Variants in TMEM116 observed in about 807,000 individuals in gnomAD.
The protein encoded by TMEM116 is transmembrane protein 116.
A neutral mutation model predicts 44.3 loss-of-function variants in TMEM116; 38 were observed. The ratio of observed to expected loss-of-function variants is 0.86; its 90% confidence interval spans 0.66 to 1.12. The LOEUF is 1.12. Among genes scored for constraint, TMEM116 ranks in the 50% most tolerant of loss-of-function variants. The pLI is 0.00. For missense variants in TMEM116, 354 were observed against 401.7 expected (o/e 0.88, Z 1.01); for synonymous variants, 132 against 144.8 (o/e 0.91, Z 0.64).
intron 4 of TMEM116, among the ~76,000 whole-genome samples, chr12:111,979,160 G>T (rs967203096): frequency 4.6e-5 from 7 of 151,994 alleles, no homozygotes; most frequent in African/African-American, 1.7e-4. Context: ...TTGGAAAATA[G>T]GTATTCAAAT....
rs780798143 is a variant in TMEM116, at chr12:111,933,931, G to T, written c.688C>A (p.Arg230=). The change falls in exon 9 of 11, where the codon CGG becomes AGG. Residue 230 remains arginine, a synonymous_variant. Transcript: ENST00000552374. The stretch of plus-strand genomic sequence containing the variant: ...AAGGCCACTGGGTAGAAGCGCACCC[G>T]TTGGTCCACAATGTGAATCACTGCC... The part of the protein sequence containing the change: ...QWAVIHIVDQ[R]VRFYPVAFFC... 6.2e-7 allele frequency: 1 copy of T among 1,614,100 alleles called. No homozygotes were observed. The highest frequency in any genetic ancestry group is 1.7e-5 in the Admixed American group (1 of 60,002).
At chr12:112,001,418 A>C (rs1328255715) in intron 3 of TMEM116, among the ~76,000 whole-genome samples, 1 of 152,064 alleles carries the variant, frequency 6.6e-6, no homozygotes, top group Non-Finnish European at 1.5e-5. Context: ...TGCTCAAGCA[A>C]TCCCCACCTC....
At chr12:112,009,499 G>GA (rs1215093842) in intron 1 of TMEM116, among the ~76,000 whole-genome samples, 1 of 109,734 alleles carries the variant, frequency 9.1e-6, no homozygotes, top group East Asian at 2.6e-4. Context: ...CAAACAATTA[G>GA]AAAAAAAGTA....
intron 1 of TMEM116, chr12:112,005,566 GA>G: frequency 4.0e-6 from 2 of 500,552 alleles, no homozygotes; most frequent in Non-Finnish European, 2.7e-6. Context: ...ATGACTAAAT[GA>G]AAAAGGGAAA....
chr12:111,968,268 G>A (rs1271408093), intron 4 of TMEM116, among the ~76,000 whole-genome samples: 1 of 151,968 alleles, frequency 6.6e-6, no homozygotes, highest in Non-Finnish European at 1.5e-5. Flanking sequence ...TAGAAAAACT[G>A]ATAATTCAAC....
intron 1 of TMEM116, among the ~76,000 whole-genome samples, chr12:112,008,697 C>A (rs2077699208): frequency 6.6e-6 from 1 of 152,050 alleles, no homozygotes; most frequent in Admixed American, 6.5e-5. Context: ...TAAGGCCAGG[C>A]ACGGTGGAGT....
chr12:111,957,849 G>A (rs2074267990), intron 4 of TMEM116, among the ~76,000 whole-genome samples: 1 of 152,252 alleles, frequency 6.6e-6, no homozygotes, highest in Non-Finnish European at 1.5e-5. Context: ...GAAATGTGGG[G>A]AAAAGAAAGA....
chr12:111,933,855 C>G (rs1227904476), intron 9 of TMEM116, 31 bp downstream of exon 9: 2 of 1,612,192 alleles, frequency 1.2e-6, no homozygotes, highest in Non-Finnish European at 1.7e-6. Context: ...CTGCCCTCTT[C>G]ACTGCCCATC....
chr12:111,998,808 G>A (rs902396139), intron 3 of TMEM116, among the ~76,000 whole-genome samples: 4 of 152,000 alleles, frequency 2.6e-5, no homozygotes, highest in African/African-American at 2.4e-5. Context: ...ATGACAAAGC[G>A]AGACTCTCAG....
intron 3 of TMEM116, among the ~76,000 whole-genome samples, chr12:111,995,518 A>G (rs928102026): frequency 2.0e-5 from 3 of 152,172 alleles, no homozygotes; most frequent in Non-Finnish European, 4.4e-5. Flanking sequence ...TGGGCAGATC[A>G]CCTGAGGTCA....
At chr12:111,955,226 G>A (rs1013699142) in intron 4 of TMEM116, among the ~76,000 whole-genome samples, 3 of 152,136 alleles carry the variant, frequency 2.0e-5, no homozygotes, top group African/African-American at 4.8e-5. Context: ...ACTCTTTACA[G>A]TACCCTCCTT....
At chr12:112,002,616 T>C (rs528189584) in intron 3 of TMEM116, among the ~76,000 whole-genome samples, 32 of 152,144 alleles carry the variant, frequency 2.1e-4, no homozygotes, top group Middle Eastern at 3.4e-3. Flanking sequence ...TGCTCTTCTA[T>C]TTACTGTGTA....
chr12:111,947,400 G>T (rs1197214711), intron 4 of TMEM116, among the ~76,000 whole-genome samples: 1 of 152,052 alleles, frequency 6.6e-6, no homozygotes, highest in African/African-American at 2.4e-5. Context: ...TTATAAAAGA[G>T]AAATATTAAA....
At chr12:111,934,733 G>T (rs1320438802) in intron 8 of TMEM116, 2 of 151,772 alleles carry the variant, frequency 1.3e-5, no homozygotes, top group Non-Finnish European at 2.9e-5. Context: ...CTCCAGCCTG[G>T]GCAACAGACC....
intron 1 of TMEM116, chr12:112,010,941 G>A (rs2077810343): frequency 6.6e-6 from 1 of 152,252 alleles, no homozygotes; most frequent in African/African-American, 2.4e-5. Context: ...GGCCCTCCCT[G>A]ACCTGAAGGT....
intron 4 of TMEM116, among the ~76,000 whole-genome samples, chr12:111,971,172 T>C (rs2136457256): frequency 6.6e-6 from 1 of 152,062 alleles, no homozygotes; most frequent in East Asian, 1.9e-4. Context: ...TTTAGGCAGA[T>C]GAAATATAAT....
chr12:111,947,335 T>C (rs940745483), intron 4 of TMEM116, among the ~76,000 whole-genome samples: 4 of 152,172 alleles, frequency 2.6e-5, no homozygotes, highest in Non-Finnish European at 5.9e-5. Context: ...TAAGTCTTTT[T>C]TGACTTCAAA....
At chr12:111,975,326 CAT>C (rs1491144723) in intron 4 of TMEM116, among the ~76,000 whole-genome samples, 1 of 136,162 alleles carries the variant, frequency 7.3e-6, no homozygotes, top group East Asian at 7.4e-4. Context: ...TATATACAAA[CAT>C]TTTTTTTTGT....
At chr12:111,998,671 A>C (rs1268918341) in intron 3 of TMEM116, among the ~76,000 whole-genome samples, 1 of 152,178 alleles carries the variant, frequency 6.6e-6, no homozygotes, top group Non-Finnish European at 1.5e-5. Flanking sequence ...ATACAAAAAA[A>C]TTAGCCAGGC....
Sources: gnomAD v4.1 joint callset for allele counts (sites outside exome capture counted in the v4.1 genomes callset) on GRCh38, gnomAD v4.1.1 for gene constraint, MANE v1.5 for transcripts, NCBI Gene and HGNC (gene_info 2026-07-23, HGNC 2026-07-21) for gene names.